SOX5: variants seen among roughly 807,000 people sequenced by gnomAD.
SOX5 encodes the protein transcription factor SOX-5.
A neutral mutation model predicts 92.0 loss-of-function variants in SOX5; 9 were observed. The observed-to-expected ratio is 0.10, with a 90% CI of 0.06 to 0.17. SOX5 has a LOEUF of 0.17. Ranked by LOEUF, SOX5 falls within the 10% of genes least tolerant of loss-of-function variation. SOX5 has a pLI of 1.00. For synonymous variants in SOX5, 344 were observed against 336.3 expected (o/e 1.02, Z -0.25); for missense variants, 642 against 944.5 (o/e 0.68, Z 4.20).
At chr12:24,029,218 A>T (rs17482445) in intron 4 of SOX5, among the ~76,000 whole-genome samples, 20,298 of 151,976 alleles carry the variant, frequency 0.13, 1,848 homozygotes, top group Non-Finnish European at 0.21. Flanking sequence ...CACTGCAGTT[A>T]AATGTACCTT....
At chr12:23,866,297 A>C (rs2096813130) in intron 2 of SOX5, among the ~76,000 whole-genome samples, 1 of 152,220 alleles carries the variant, frequency 6.6e-6, no homozygotes, top group South Asian at 2.1e-4. Flanking sequence ...AAAGATTCTA[A>C]TATATGGATT....
chr12:23,700,193 CTAACT>C (rs1258080997), intron 6 of SOX5, among the ~76,000 whole-genome samples: 5 of 152,130 alleles, frequency 3.3e-5, no homozygotes, highest in Admixed American at 2.6e-4. Flanking sequence ...ATTTATATCT[CTAACT>C]TTTTTTTTTC....
At chr12:24,439,264 C>T (rs932493995) in intron 1 of SOX5, among the ~76,000 whole-genome samples, 42 of 152,260 alleles carry the variant, frequency 2.8e-4, no homozygotes, top group African/African-American at 9.9e-4. Flanking sequence ...CTTAATAGAC[C>T]ACAGTATAGC....
chr12:23,818,806 C>T (rs1187671727), intron 3 of SOX5, among the ~76,000 whole-genome samples: 2 of 151,960 alleles, frequency 1.3e-5, no homozygotes, highest in Admixed American at 6.6e-5. Context: ...TTTTTCAAAA[C>T]TTTTTATACA....
At chr12:24,219,839 T>C (rs1363286285) in intron 3 of SOX5, among the ~76,000 whole-genome samples, 1 of 152,136 alleles carries the variant, frequency 6.6e-6, no homozygotes, top group Non-Finnish European at 1.5e-5. Context: ...CTCAAGCACT[T>C]ATTATAAGAT....
At chr12:24,386,978 G>C (rs1958476275) in intron 1 of SOX5, among the ~76,000 whole-genome samples, 1 of 152,146 alleles carries the variant, frequency 6.6e-6, no homozygotes, top group African/African-American at 2.4e-5. Context: ...CATATCAGTG[G>C]TTTATTTGGA....
chr12:24,011,772 T>C (rs1431184432), intron 4 of SOX5, among the ~76,000 whole-genome samples: 2 of 151,884 alleles, frequency 1.3e-5, no homozygotes, highest in African/African-American at 4.9e-5. Context: ...TTATCCCCTA[T>C]TGCAGTTTAT....
At position 24,274,957 on chromosome 12, in the gene SOX5, A is replaced by G. The variant is rs143946336; in HGVS notation, c.-77+2259T>C. On this transcript the variant is annotated intron_variant, in intron 3 of 4. Coordinates refer to the SOX5 transcript ENST00000446891. ...GGTACCTTGAACTGCCCTAAGCTAA[A>G]AGAGGCAGCCAGGCTGCAATATGAT... Among the ~76,000 whole-genome samples, 60 of 152,286 alleles carry G rather than the reference A, an allele frequency of 3.9e-4. No individual in the cohort carries two copies. In the East Asian group the frequency reaches 5.6e-3, roughly 14 times the overall value.
At chr12:24,331,378 C>A (rs924220641) in intron 2 of SOX5, 32 of 152,144 alleles carry the variant, frequency 2.1e-4, no homozygotes, top group African/African-American at 7.7e-4. Context: ...CCGTAGAGTA[C>A]GTAATTTCTG....
At chr12:24,026,665 A>AT (rs551683345) in intron 4 of SOX5, among the ~76,000 whole-genome samples, 24 of 140,504 alleles carry the variant, frequency 1.7e-4, no homozygotes, top group Non-Finnish European at 2.8e-4. Context: ...TGTCTATTAG[A>AT]TAAAAAAAAA....
At chr12:24,427,584 T>C (rs1454941575) in intron 1 of SOX5, among the ~76,000 whole-genome samples, 2 of 152,258 alleles carry the variant, frequency 1.3e-5, no homozygotes, top group African/African-American at 4.8e-5. Flanking sequence ...ATATGTAGTA[T>C]ATATCGGCTA....
At chr12:23,872,026 C>G (rs570510126) in intron 2 of SOX5, among the ~76,000 whole-genome samples, 2 of 148,898 alleles carry the variant, frequency 1.3e-5, no homozygotes, top group African/African-American at 5.0e-5. Flanking sequence ...GAGACGGAGT[C>G]TTGCTCTGTC....
chr12:24,493,795 C>T (rs1365290208), intron 1 of SOX5, among the ~76,000 whole-genome samples: 3 of 151,100 alleles, frequency 2.0e-5, no homozygotes, highest in Non-Finnish European at 4.4e-5. Flanking sequence ...ACCCAGGAGG[C>T]GGAGCTTGCC....
upstream of SOX5, among the ~76,000 whole-genome samples, chr12:23,951,596 T>A (rs11047169): frequency 0.19 from 29,441 of 151,918 alleles, 3,361 homozygotes; most frequent in Non-Finnish European, 0.25. Flanking sequence ...TTTAGACAAG[T>A]TGATAATAAC....
chr12:24,058,325 T>C (rs7958678), intron 4 of SOX5, among the ~76,000 whole-genome samples: 83,063 of 152,082 alleles, frequency 0.55, 23,186 homozygotes, highest in Middle Eastern at 0.68. Context: ...AAAAAAAAAT[T>C]CTCTTTCACA....
At chr12:23,546,545 C>T (rs755614685) in intron 11 of SOX5, 121 bp from the exon 12 acceptor site, 2 of 620,436 alleles carry the variant, frequency 3.2e-6, no homozygotes, top group African/African-American at 1.9e-5. Context: ...GATATATTCA[C>T]CTTTTTACGT....
chr12:24,542,846 C>T (rs1952266097), intron 1 of SOX5, among the ~76,000 whole-genome samples: 1 of 152,172 alleles, frequency 6.6e-6, no homozygotes, highest in Non-Finnish European at 1.5e-5. Flanking sequence ...ACTTAGATTG[C>T]TTGCCAAATG....
intron 9 of SOX5, among the ~76,000 whole-genome samples, chr12:23,577,191 A>ATATATATATTTTTTT (rs71059907): frequency 1.6e-5 from 1 of 61,390 alleles, no homozygotes; most frequent in Non-Finnish European, 3.2e-5. Flanking sequence ...ATATATATAT[A>ATATATATATTTTTTT]TTTTTTTTTT....
At chr12:24,042,397 C>A (rs1359945689) in intron 4 of SOX5, among the ~76,000 whole-genome samples, 1 of 152,032 alleles carries the variant, frequency 6.6e-6, no homozygotes, top group East Asian at 1.9e-4. Context: ...GAAATCATGC[C>A]TAATATTCAC....
Sources: gnomAD v4.1 joint callset for allele counts (sites outside exome capture counted in the v4.1 genomes callset) on GRCh38, gnomAD v4.1.1 for gene constraint, MANE v1.5 for transcripts, NCBI Gene and HGNC (gene_info 2026-07-23, HGNC 2026-07-21) for gene names.